PPP3CA: variants seen among roughly 807,000 people sequenced by gnomAD.
PPP3CA encodes the protein CAM-PRP catalytic subunit.
PPP3CA carries 14 observed loss-of-function variants against 66.5 expected under a neutral mutation model. The ratio of observed to expected loss-of-function variants is 0.21; its 90% confidence interval spans 0.14 to 0.33. The LOEUF (loss-of-function observed/expected upper bound fraction) is 0.33. Ranked by LOEUF, PPP3CA falls within the 10% of genes least tolerant of loss-of-function variation. The pLI, the probability that PPP3CA is intolerant of heterozygous loss-of-function variation, is 1.00. For missense variants in PPP3CA, 317 were observed against 639.5 expected, an observed-to-expected ratio of 0.50 and a Z score of 5.44; for synonymous variants, 232 against 226.2, an observed-to-expected ratio of 1.03 and a Z score of -0.23.
chr4:101,247,698 A>C (rs1189282937), intron 1 of PPP3CA, among the ~76,000 whole-genome samples: 1 of 152,198 alleles, frequency 6.6e-6, no homozygotes, highest in East Asian at 1.9e-4. Flanking sequence ...ACTAGATATC[A>C]ATGTAGGTAT....
intron 1 of PPP3CA, among the ~76,000 whole-genome samples, chr4:101,260,200 A>G (rs2110254754): frequency 6.6e-6 from 1 of 152,316 alleles, no homozygotes; most frequent in South Asian, 2.1e-4. Context: ...TTGGCATCAC[A>G]GGATTTCATA....
At chr4:101,052,500 AAAT>A (rs1360893356) in intron 10 of PPP3CA, among the ~76,000 whole-genome samples, 2 of 152,020 alleles carry the variant, frequency 1.3e-5, no homozygotes, top group African/African-American at 4.8e-5. Context: ...TATAAGAAAT[AAAT>A]AATAAACTTA....
Position 101,318,449 on chromosome 4 carries a change from C to A in PPP3CA, c.58+28290G>T, listed in dbSNP as rs114296825. Among the ~76,000 whole-genome samples, 987 of 152,194 alleles carry A rather than the reference C, an allele frequency of 6.5e-3. 12 individuals carry two copies. Among genetic ancestry groups the A allele is most frequent in the African/African-American group, 0.023 (936 of 41,530 alleles). On this transcript the variant is annotated intron_variant, in intron 1 of 13. Transcript: ENST00000394854. Reference sequence around the variant, plus strand: ...CAGAAGTGGTAAGCAAACTAGGCTTCATTAATGATGTGCTTAGATTTCAGC... The same window carrying A: ...CAGAAGTGGTAAGCAAACTAGGCTTAATTAATGATGTGCTTAGATTTCAGC...
At chr4:101,231,807 T>C (rs552593662) in intron 1 of PPP3CA, among the ~76,000 whole-genome samples, 9 of 151,868 alleles carry the variant, frequency 5.9e-5, no homozygotes, top group Non-Finnish European at 8.8e-5. Context: ...TGCTGGACTA[T>C]TGGATCAGTC....
At chr4:101,047,899 T>A (rs543327886) in intron 10 of PPP3CA, among the ~76,000 whole-genome samples, 5 of 152,168 alleles carry the variant, frequency 3.3e-5, no homozygotes, top group African/African-American at 1.2e-4. Context: ...ACTCTTTAGT[T>A]CCTAACTGAG....
intron 1 of PPP3CA, among the ~76,000 whole-genome samples, chr4:101,266,106 A>G (rs1003735108): frequency 5.3e-5 from 8 of 152,114 alleles, no homozygotes; most frequent in Non-Finnish European, 1.0e-4. Flanking sequence ...TGACTTAGAT[A>G]TAATAATAAT....
At chr4:101,099,571 C>A in intron 4 of PPP3CA, 40 bp downstream of exon 4, 2 of 1,227,364 alleles carry the variant, frequency 1.6e-6, no homozygotes, top group African/African-American at 1.6e-5. Context: ...TACTTTTTAG[C>A]ACATATAGTG....
At chr4:101,223,134 AG>A (rs1167825488) in intron 1 of PPP3CA, among the ~76,000 whole-genome samples, 1 of 151,792 alleles carries the variant, frequency 6.6e-6, no homozygotes, top group Admixed American at 6.6e-5. Flanking sequence ...TGAACTAAGT[AG>A]TTTCCTAGAC....
In PPP3CA at chr4:101,025,782, C is replaced by A; in HGVS notation, c.*83G>T. 1 of 1,150,922 alleles carries A rather than the reference C, an allele frequency of 8.7e-7. No individual in the cohort carries two copies. Among genetic ancestry groups the A allele is most frequent in the Non-Finnish European group, 1.2e-6 (1 of 848,056 alleles). 71.3% of individuals were successfully genotyped at this position (1,150,922 alleles called of 1,614,324 possible). A position where few individuals can be genotyped will look rare whatever the true frequency, so the allele number is the denominator to read the frequency against. ...TACTGTCAGAGGCAAGAACATCCAA[C>A]TGCTGATATGCAGCAATCCCCATCA... On this transcript the variant is annotated 3_prime_UTR_variant, in exon 14 of 14. Transcript: ENST00000394854.
At chr4:101,226,246 A>C (rs1725778616) in intron 1 of PPP3CA, among the ~76,000 whole-genome samples, 1 of 151,706 alleles carries the variant, frequency 6.6e-6, no homozygotes, top group African/African-American at 2.4e-5. Context: ...ACAGACATGC[A>C]CACATACAGG....
At chr4:101,106,319 T>C (rs1730670048) in intron 3 of PPP3CA, among the ~76,000 whole-genome samples, 1 of 148,862 alleles carries the variant, frequency 6.7e-6, no homozygotes, top group Middle Eastern at 3.5e-3. Flanking sequence ...ATGACTGTGC[T>C]ACTGCATTGT....
At chr4:101,297,799 A>G (rs1728243330) in intron 1 of PPP3CA, among the ~76,000 whole-genome samples, 1 of 152,212 alleles carries the variant, frequency 6.6e-6, no homozygotes, top group Admixed American at 6.5e-5. Context: ...ATGTATTTAA[A>G]CTGAAAATCT....
Position 101,083,212 on chromosome 4 carries a change from G to A in PPP3CA, c.834C>T (p.Leu278=). 1 of 1,604,528 alleles carries A rather than the reference G, an allele frequency of 6.2e-7. No individual in the cohort carries two copies. The highest frequency in any genetic ancestry group is 8.5e-7 in the Non-Finnish European group (1 of 1,174,898). ...FLQHNNLLSI[L]RAHEAQDAGY... ...CTGCATCTTGGGCTTCGTGGGCTCG[G>A]AGTATAGATAACAAGTTATTGTGCT... Residue 278 remains leucine (L), a synonymous_variant, in exon 7 of 14, where the codon CTC becomes CTT. Coordinates refer to ENST00000394854, the MANE Select transcript of PPP3CA (RefSeq NM_000944.5).
intron 11 of PPP3CA, among the ~76,000 whole-genome samples, chr4:101,036,215 C>T (rs190099699): frequency 1.3e-5 from 2 of 152,238 alleles, no homozygotes; most frequent in East Asian, 1.9e-4. Context: ...TCTGTTTCTA[C>T]CCCTTTTACT....
chr4:101,326,648 A>C (rs1468097046), intron 1 of PPP3CA, among the ~76,000 whole-genome samples: 1 of 152,192 alleles, frequency 6.6e-6, no homozygotes, highest in Non-Finnish European at 1.5e-5. Context: ...GAAGTCTCCA[A>C]AATGCCGTGT....
At chr4:101,145,534 C>T (rs181243047) in intron 2 of PPP3CA, among the ~76,000 whole-genome samples, 1 of 152,172 alleles carries the variant, frequency 6.6e-6, no homozygotes, top group Admixed American at 6.5e-5. Flanking sequence ...CACAGAAAAA[C>T]AAATATCACA....
intron 1 of PPP3CA, among the ~76,000 whole-genome samples, chr4:101,204,963 T>G (rs1254448631): frequency 6.7e-6 from 1 of 149,580 alleles, no homozygotes; most frequent in East Asian, 1.9e-4. Flanking sequence ...CCCAACTATC[T>G]TGGATCTCCA....
chr4:101,111,724 T>C (rs1411383631), intron 2 of PPP3CA, among the ~76,000 whole-genome samples: 1 of 152,140 alleles, frequency 6.6e-6, no homozygotes, highest in Non-Finnish European at 1.5e-5. Flanking sequence ...CAAATGTATT[T>C]ATCTATAAAA....
chr4:101,270,105 T>C (rs543560363), intron 1 of PPP3CA, among the ~76,000 whole-genome samples: 2 of 152,314 alleles, frequency 1.3e-5, no homozygotes, highest in African/African-American at 4.8e-5. Context: ...GAATATTGCA[T>C]AAAGACAGCA....
Sources: gnomAD v4.1 joint callset for allele counts (sites outside exome capture counted in the v4.1 genomes callset) on GRCh38, gnomAD v4.1.1 for gene constraint, MANE v1.5 for transcripts, NCBI Gene and HGNC (gene_info 2026-07-23, HGNC 2026-07-21) for gene names.